IRF2: variants seen among roughly 807,000 people sequenced by gnomAD.
The protein encoded by IRF2 is interferon regulatory factor 2.
Under a neutral mutation model 40.6 loss-of-function variants are expected in IRF2, and 15 were observed. That is an observed-to-expected ratio of 0.37 (90% confidence interval 0.25 to 0.57). IRF2 has a LOEUF of 0.57. IRF2 is among the 20% of genes least tolerant of loss of function. IRF2 has a pLI of 0.77. For synonymous variants in IRF2, 151 were observed against 165.5 expected (o/e 0.91, Z 0.67); for missense variants, 317 against 455.7 (o/e 0.70, Z 2.77).
chr4:184,465,106 C>T (rs1305847108), intron 1 of IRF2, among the ~76,000 whole-genome samples: 1 of 152,166 alleles, frequency 6.6e-6, no homozygotes, highest in African/African-American at 2.4e-5. Context: ...AGAATGTTAA[C>T]TGTGAAGTGA....
At chr4:184,460,922 T>C (rs1416507790) in intron 1 of IRF2, among the ~76,000 whole-genome samples, 2 of 152,200 alleles carry the variant, frequency 1.3e-5, no homozygotes, top group South Asian at 4.1e-4. Flanking sequence ...TATTAGGCTG[T>C]TATTTTAAAT....
intron 6 of IRF2, chr4:184,407,397 G>A: frequency 2.5e-6 from 1 of 400,292 alleles, no homozygotes; most frequent in South Asian, 2.1e-5. Flanking sequence ...AGGAGAGAAG[G>A]AACATCAGAA....
At chr4:184,436,663 G>C (rs769732531) in intron 1 of IRF2, among the ~76,000 whole-genome samples, 4 of 152,188 alleles carry the variant, frequency 2.6e-5, no homozygotes, top group Admixed American at 6.5e-5. Context: ...TAGGCAGGGA[G>C]AAGGTGGCAG....
intron 1 of IRF2, among the ~76,000 whole-genome samples, chr4:184,470,287 G>A (rs1739468833): frequency 6.6e-6 from 1 of 152,162 alleles, no homozygotes; most frequent in African/African-American, 2.4e-5. Flanking sequence ...TGTAATATAT[G>A]TTATAAATAT....
intron 5 of IRF2, 113 bp downstream of exon 5, chr4:184,418,050 ACAAG>A (rs1737346828): frequency 1.3e-6 from 1 of 798,394 alleles, no homozygotes; most frequent in Non-Finnish European, 2.2e-6. Flanking sequence ...CACAGAAGAC[ACAAG>A]CAAAGGAAGA....
chr4:184,412,741 C>G (rs1031054332), intron 5 of IRF2, among the ~76,000 whole-genome samples: 12 of 152,150 alleles, frequency 7.9e-5, no homozygotes, highest in Non-Finnish European at 1.8e-4. Flanking sequence ...ATGAGGCCAT[C>G]GTCATTCTCT....
chr4:184,463,660 T>TA (rs370250157), intron 1 of IRF2, among the ~76,000 whole-genome samples: 19 of 151,528 alleles, frequency 1.3e-4, no homozygotes, highest in East Asian at 5.8e-4. Context: ...ATATATATAT[T>TA]TTTTTTTTGA....
intron 2 of IRF2, among the ~76,000 whole-genome samples, chr4:184,420,387 G>T (rs926663455): frequency 1.4e-4 from 22 of 152,200 alleles, no homozygotes; most frequent in African/African-American, 5.3e-4. Flanking sequence ...CCATTTGCTT[G>T]TGCATCCAAC....
intron 5 of IRF2, among the ~76,000 whole-genome samples, chr4:184,416,988 A>T (rs934313596): frequency 8.5e-5 from 13 of 152,144 alleles, no homozygotes; most frequent in African/African-American, 3.1e-4. Flanking sequence ...GGAGGTTGCA[A>T]TGAGCCAAGA....
chr4:184,406,193 T>G (rs952054249), intron 6 of IRF2, among the ~76,000 whole-genome samples: 1 of 151,568 alleles, frequency 6.6e-6, no homozygotes, highest in Non-Finnish European at 1.5e-5. Flanking sequence ...TAAGAGGTGG[T>G]GCCTTCCATC....
intron 1 of IRF2, among the ~76,000 whole-genome samples, chr4:184,461,670 A>G (rs1739149490): frequency 7.2e-6 from 1 of 139,688 alleles, no homozygotes; most frequent in African/African-American, 2.8e-5. Flanking sequence ...TCAGCTGAGC[A>G]CTCTCCTCTA....
At chr4:184,473,203 C>T (rs1297190830) in intron 1 of IRF2, among the ~76,000 whole-genome samples, 1 of 151,300 alleles carries the variant, frequency 6.6e-6, no homozygotes, top group African/African-American at 2.4e-5. Flanking sequence ...CACCCGGCGC[C>T]CGGAGCCGGG....
chr4:184,389,123 T>A, intron 8 of IRF2, 57 bp from the exon 9 acceptor site: 1 of 1,541,654 alleles, frequency 6.5e-7, no homozygotes, highest in Non-Finnish European at 9.0e-7. Context: ...GATGGCTTTT[T>A]AAAAATGCAT....
chr4:184,415,148 G>A (rs1156366323), intron 5 of IRF2, among the ~76,000 whole-genome samples: 1 of 152,184 alleles, frequency 6.6e-6, no homozygotes, highest in African/African-American at 2.4e-5. Flanking sequence ...CCTCTTCTGA[G>A]CTTCCCTGCT....
chr4:184,441,648 AG>A (rs34847758), intron 1 of IRF2, among the ~76,000 whole-genome samples: 1 of 152,226 alleles, frequency 6.6e-6, no homozygotes, highest in African/African-American at 2.4e-5. Context: ...GCTGGCCAGC[AG>A]GGAGTGTCCC....
chr4:184,469,683 G>C (rs1461936325), intron 1 of IRF2, among the ~76,000 whole-genome samples: 1 of 152,104 alleles, frequency 6.6e-6, no homozygotes, highest in Non-Finnish European at 1.5e-5. Flanking sequence ...TCTAATAAAA[G>C]AAAAAGGATA....
chr4:184,471,118 C>A (rs1739498961), intron 1 of IRF2, among the ~76,000 whole-genome samples: 1 of 152,150 alleles, frequency 6.6e-6, no homozygotes, highest in African/African-American at 2.4e-5. Flanking sequence ...GGCCTTTTTA[C>A]ACTAAGAATA....
At chr4:184,446,231 C>T (rs867025289) in intron 1 of IRF2, among the ~76,000 whole-genome samples, 10 of 152,108 alleles carry the variant, frequency 6.6e-5, no homozygotes, top group Non-Finnish European at 1.0e-4. Context: ...TCCCAGTTTG[C>T]GGTAATTTGT....
chr4:184,403,794 A>C (rs1207807073), intron 6 of IRF2, among the ~76,000 whole-genome samples: 2 of 152,240 alleles, frequency 1.3e-5, no homozygotes, highest in Non-Finnish European at 2.9e-5. Flanking sequence ...ACTAATAGTG[A>C]CATTTCTTTT....
Sources: allele counts gnomAD v4.1 joint callset (sites outside exome capture counted in the v4.1 genomes callset), GRCh38; gene constraint gnomAD v4.1.1; transcripts MANE v1.5; gene names NCBI Gene and HGNC (gene_info 2026-07-23, HGNC 2026-07-21).